The following SPIDR variants were observed in gnomAD, a reference collection of about 807,000 sequenced individuals.
The protein encoded by SPIDR is DNA repair-scaffolding protein.
A neutral mutation model predicts 104.6 loss-of-function variants in SPIDR; 93 were observed. That is an observed-to-expected ratio of 0.89 (90% CI 0.75 to 1.06). SPIDR has a LOEUF of 1.06. SPIDR is among the 50% of genes least tolerant of loss of function. The pLI, the probability that SPIDR is intolerant of heterozygous loss-of-function variation, is 0.00. For missense variants in SPIDR, 1,154 were observed against 1,111.2 expected (o/e 1.04, Z -0.55); for synonymous variants, 431 against 416.9 (o/e 1.03, Z -0.41).
intron 8 of SPIDR, among the ~76,000 whole-genome samples, chr8:47,594,430 C>T (rs2061422037): frequency 6.6e-6 from 1 of 151,870 alleles, no homozygotes; most frequent in Non-Finnish European, 1.5e-5. Flanking sequence ...AGCTGGGATA[C>T]TGGGGTGCTC....
intron 8 of SPIDR, chr8:47,592,069 C>G (rs1207567970): frequency 1.6e-5 from 18 of 1,097,124 alleles, no homozygotes; most frequent in South Asian, 2.6e-5. Flanking sequence ...AAGACTGTGT[C>G]CATTAAATGC....
rs1262164944 is a variant in SPIDR, at chr8:47,280,286, C to T, written c.189+269C>T. On this transcript the variant is annotated intron_variant, in intron 2 of 19. Transcript: ENST00000297423. ...GGAGACAGAGTCTCACTTTGTTGCC[C>T]AGGCTGGAGTACAGTGGCGCAATCA... Among the ~76,000 whole-genome samples the T allele has an allele frequency of 2.0e-5, 3 of 151,206 alleles. No individual in the cohort carries two copies. In the East Asian group the frequency reaches 5.8e-4, roughly 29 times the overall value.
At chr8:47,614,144 T>C (rs747808546) in intron 10 of SPIDR, among the ~76,000 whole-genome samples, 4 of 152,192 alleles carry the variant, frequency 2.6e-5, no homozygotes, top group Non-Finnish European at 5.9e-5. Context: ...TCCTGTGATA[T>C]TCTGCTGGGG....
chr8:47,646,626 A>G (rs1047149749), intron 10 of SPIDR, among the ~76,000 whole-genome samples: 1 of 152,196 alleles, frequency 6.6e-6, no homozygotes, highest in Non-Finnish European at 1.5e-5. Flanking sequence ...AGAAAAATCT[A>G]TGACATTGGT....
intron 8 of SPIDR, among the ~76,000 whole-genome samples, chr8:47,583,759 G>A (rs2059984081): frequency 6.6e-6 from 1 of 152,212 alleles, no homozygotes; most frequent in Non-Finnish European, 1.5e-5. Flanking sequence ...TGACTCCAAA[G>A]TGCAGTCCTT....
At chr8:47,632,165 C>T (rs1336173272) in intron 10 of SPIDR, among the ~76,000 whole-genome samples, 1 of 152,132 alleles carries the variant, frequency 6.6e-6, no homozygotes, top group Non-Finnish European at 1.5e-5. Flanking sequence ...AAAATATTTA[C>T]GTTTTAATTT....
chr8:47,276,732 AT>A (rs2036507387), intron 1 of SPIDR: 1 of 152,114 alleles, frequency 6.6e-6, no homozygotes, highest in South Asian at 2.1e-4. Flanking sequence ...TGAGGGAGAG[AT>A]TTTTATGGTG....
chr8:47,447,169 G>GGA (rs1390039454), intron 8 of SPIDR, among the ~76,000 whole-genome samples: 1 of 152,128 alleles, frequency 6.6e-6, no homozygotes, highest in Non-Finnish European at 1.5e-5. Context: ...TAATGGATGA[G>GGA]GAGTTGGTTC....
intron 5 of SPIDR, among the ~76,000 whole-genome samples, chr8:47,353,558 A>C (rs1372763641): frequency 6.6e-6 from 1 of 152,164 alleles, no homozygotes; most frequent in Non-Finnish European, 1.5e-5. Flanking sequence ...GGGTTGGAGC[A>C]ATTGTTCAAG....
intron 11 of SPIDR, among the ~76,000 whole-genome samples, chr8:47,683,674 G>A (rs2077374433): frequency 6.6e-6 from 1 of 152,158 alleles, no homozygotes; most frequent in Non-Finnish European, 1.5e-5. Context: ...ACTCCAAAGA[G>A]CATTTCCTTT....
intron 5 of SPIDR, among the ~76,000 whole-genome samples, chr8:47,343,278 C>G (rs1171299738): frequency 6.6e-6 from 1 of 152,102 alleles, no homozygotes. Context: ...TATCTGAAAG[C>G]TGGACTTTTG....
chr8:47,522,154 A>G (rs1242283966), intron 8 of SPIDR, among the ~76,000 whole-genome samples: 5 of 151,140 alleles, frequency 3.3e-5, no homozygotes, highest in African/African-American at 4.9e-5. Flanking sequence ...CTTGGGCGAC[A>G]AGAGCGAGAG....
rs1225755863 is a variant in SPIDR at position 47,265,209 on chromosome 8, T to TTG, written c.33+4218_33+4219insTG. ...TTGTCTTTTTTTTTTTTTTTTTTTT[T>TTG]GAGACAGTCTTACTCTGTCGCCCAG... On this transcript the variant is annotated intron_variant, in intron 1 of 19. Transcript: ENST00000297423. Among the ~76,000 whole-genome samples, 655 of 136,024 alleles carry TTG rather than the reference T, an allele frequency of 4.8e-3. 8 individuals are homozygous for TTG. The highest frequency in any genetic ancestry group is 0.017 in the African/African-American group (628 of 36,302). The allele number at this position is 136,024 out of a possible 152,430, so 89.2% of individuals were successfully genotyped here.
chr8:47,287,647 G>A (rs1292025622), intron 3 of SPIDR, among the ~76,000 whole-genome samples: 1 of 152,132 alleles, frequency 6.6e-6, no homozygotes, highest in Non-Finnish European at 1.5e-5. Flanking sequence ...TCCGTTTATA[G>A]GCTCTCTGCA....
At chr8:47,366,752 T>G (rs1208794804) in intron 5 of SPIDR, among the ~76,000 whole-genome samples, 3 of 152,200 alleles carry the variant, frequency 2.0e-5, no homozygotes, top group African/African-American at 7.2e-5. Context: ...TCTTGGGTAT[T>G]TGCAAAGATG....
intron 10 of SPIDR, among the ~76,000 whole-genome samples, chr8:47,645,539 C>T (rs1018370772): frequency 2.0e-5 from 3 of 152,094 alleles, no homozygotes; most frequent in Middle Eastern, 3.4e-3. Context: ...GCACTGGACC[C>T]GGGAAGGAAT....
At chr8:47,675,910 G>T (rs553288506) in intron 11 of SPIDR, among the ~76,000 whole-genome samples, 1 of 152,328 alleles carries the variant, frequency 6.6e-6, no homozygotes, top group South Asian at 2.1e-4. Context: ...AGAGGGGAGG[G>T]CTCTTTCACT....
chr8:47,303,522 G>A (rs1031643845), intron 5 of SPIDR, among the ~76,000 whole-genome samples: 4 of 152,156 alleles, frequency 2.6e-5, no homozygotes, highest in Admixed American at 2.0e-4. Flanking sequence ...GAAATCACCC[G>A]TCTTCTGCGT....
chr8:47,653,945 A>C, intron 10 of SPIDR: 1 of 1,214,792 alleles, frequency 8.2e-7, no homozygotes, highest in South Asian at 1.4e-5. Context: ...GTCTTCATAT[A>C]AGACATGGAG....
Sources: gnomAD v4.1 joint callset for allele counts (sites outside exome capture counted in the v4.1 genomes callset) on GRCh38, gnomAD v4.1.1 for gene constraint, MANE v1.5 for transcripts, NCBI Gene and HGNC (gene_info 2026-07-23, HGNC 2026-07-21) for gene names.